RIMS2: variants seen among roughly 807,000 people sequenced by gnomAD.
RIMS2 encodes the protein regulating synaptic membrane exocytosis protein 2.
A neutral mutation model predicts 174.4 loss-of-function variants in RIMS2; 59 were observed. That is an observed-to-expected ratio of 0.34 (90% CI 0.27 to 0.42). The LOEUF (loss-of-function observed/expected upper bound fraction) is 0.42. Among genes scored for constraint, RIMS2 ranks in the 10% least tolerant of loss-of-function variants. The pLI, the probability that RIMS2 is intolerant of heterozygous loss-of-function variation, is 1.00. For missense variants in RIMS2, 1,620 were observed against 1,666.3 expected (o/e 0.97, Z 0.48); for synonymous variants, 606 against 572.5 (o/e 1.06, Z -0.84).
chr8:103,787,453 T>G (rs879520588), intron 3 of RIMS2, among the ~76,000 whole-genome samples: 304 of 150,684 alleles, frequency 2.0e-3, no homozygotes, highest in Non-Finnish European at 3.7e-3. Flanking sequence ...AGGAGCTCTT[T>G]TAGGGCAGGC....
chr8:103,591,056 T>C (rs2094230188), intron 1 of RIMS2, among the ~76,000 whole-genome samples: 1 of 150,788 alleles, frequency 6.6e-6, no homozygotes, highest in South Asian at 2.1e-4. Flanking sequence ...CCAAAAAAGG[T>C]ATAAGAGTTC....
intron 19 of RIMS2, among the ~76,000 whole-genome samples, chr8:104,233,080 G>C (rs2099239764): frequency 6.6e-6 from 1 of 152,076 alleles, no homozygotes; most frequent in Non-Finnish European, 1.5e-5. Flanking sequence ...AAGCAGACAA[G>C]AACGGGGGGA....
intron 15 of RIMS2, among the ~76,000 whole-genome samples, chr8:103,962,789 T>C (rs866384110): frequency 1.3e-5 from 2 of 152,122 alleles, no homozygotes; most frequent in Non-Finnish European, 2.9e-5. Flanking sequence ...CTAGTGTGTG[T>C]ACTAACTAGG....
intron 2 of RIMS2, among the ~76,000 whole-genome samples, chr8:103,725,086 A>C (rs1199954116): frequency 6.6e-6 from 1 of 152,198 alleles, no homozygotes; most frequent in African/African-American, 2.4e-5. Flanking sequence ...ATACAAATTT[A>C]GTGTTAAAAT....
Position 104,148,863 on chromosome 8 carries a change from G to A in RIMS2, c.3335-96053G>A, listed in dbSNP as rs1261098140. 2 of 1,593,282 alleles carry A rather than the reference G, an allele frequency of 1.3e-6. No homozygotes were observed. Among genetic ancestry groups the A allele is most frequent in the South Asian group, 2.2e-5 (2 of 90,756 alleles). Reference sequence around the variant, plus strand: ...CAGCCAAACGGGTAGGAATTTCAATGTTACTTTTAACTTGATATTTGAGTT... The same window carrying A: ...CAGCCAAACGGGTAGGAATTTCAATATTACTTTTAACTTGATATTTGAGTT... On this transcript the variant is annotated intron_variant, in intron 19 of 23. Transcript: ENST00000504942.
intron 1 of RIMS2, among the ~76,000 whole-genome samples, chr8:103,536,739 A>G (rs1839939004): frequency 6.6e-6 from 1 of 152,144 alleles, no homozygotes; most frequent in Non-Finnish European, 1.5e-5. Flanking sequence ...GTGCTAAACT[A>G]TTCATGAGAG....
rs1327131025 is a variant in RIMS2, at chr8:104,058,125, A to C, written c.3334+43510A>C. Reference sequence around the variant, plus strand: ...GGTCAAATGGTATTTCTAGTTCTAGATCCCTGAGGAATCGCCACACTGACT... The same window carrying C: ...GGTCAAATGGTATTTCTAGTTCTAGCTCCCTGAGGAATCGCCACACTGACT... On this transcript the variant is annotated intron_variant, in intron 19 of 23. Coordinates refer to ENST00000504942, the Ensembl canonical transcript of RIMS2. 5.1e-3 allele frequency among the ~76,000 whole-genome samples: 754 copies of C among 148,776 alleles called. 3 individuals carry two copies. Among genetic ancestry groups the C allele is most frequent in the Non-Finnish European group, 7.7e-3 (513 of 66,668 alleles).
chr8:103,864,967 T>C (rs893750206), intron 3 of RIMS2, among the ~76,000 whole-genome samples: 1 of 152,160 alleles, frequency 6.6e-6, no homozygotes, highest in Admixed American at 6.5e-5. Context: ...TTGAGCTTTA[T>C]ATTCAGAATG....
chr8:103,616,590 G>T (rs977540684), intron 1 of RIMS2, among the ~76,000 whole-genome samples: 1 of 152,112 alleles, frequency 6.6e-6, no homozygotes, highest in Non-Finnish European at 1.5e-5. Flanking sequence ...ATCTCTATTT[G>T]CAGACAACAT....
intron 3 of RIMS2, among the ~76,000 whole-genome samples, chr8:103,883,189 T>C (rs986810344): frequency 2.6e-5 from 4 of 151,778 alleles, no homozygotes; most frequent in African/African-American, 9.7e-5. Flanking sequence ...TATATGTTTG[T>C]TAAAGTAATA....
chr8:104,160,672 C>T (rs1340976283), intron 19 of RIMS2, among the ~76,000 whole-genome samples: 1 of 152,072 alleles, frequency 6.6e-6, no homozygotes, highest in Non-Finnish European at 1.5e-5. Context: ...TTAATCATTT[C>T]CCTAAGTCAG....
At chr8:103,937,892 T>C (rs2081626708) in intron 13 of RIMS2, among the ~76,000 whole-genome samples, 2 of 152,196 alleles carry the variant, frequency 1.3e-5, no homozygotes, top group Admixed American at 6.5e-5. Flanking sequence ...CTATGGAGTC[T>C]TGCTTTGTCA....
chr8:103,977,111 T>C (rs1016622716), intron 16 of RIMS2: 2 of 152,214 alleles, frequency 1.3e-5, no homozygotes, highest in African/African-American at 2.4e-5. Flanking sequence ...AATTGAGTCT[T>C]AATTTTACAC....
intron 7 of RIMS2, 35 bp downstream of exon 10, chr8:103,915,629 C>T (rs775707506): frequency 6.3e-6 from 7 of 1,105,912 alleles, no homozygotes; most frequent in South Asian, 1.5e-5. Context: ...ACATTTAAAC[C>T]ATTCAACTTT....
At chr8:104,040,637 A>C (rs2096592742) in intron 19 of RIMS2, among the ~76,000 whole-genome samples, 1 of 151,750 alleles carries the variant, frequency 6.6e-6, no homozygotes, top group South Asian at 2.1e-4. Flanking sequence ...GATCAAAGAA[A>C]ATTTGTCTAC....
intron 3 of RIMS2, among the ~76,000 whole-genome samples, chr8:103,813,451 G>A (rs974081662): frequency 7.5e-6 from 1 of 132,478 alleles, no homozygotes; most frequent in Non-Finnish European, 1.6e-5. Context: ...TGTGCACAAC[G>A]TGCAGGTTTG....
chr8:103,880,625 A>T, intron 3 of RIMS2: 1 of 502,246 alleles, frequency 2.0e-6, no homozygotes, highest in South Asian at 3.6e-5. Context: ...TGCCTGGCAC[A>T]CTGTTGATGT....
chr8:103,972,089 T>A (rs1158457145), intron 15 of RIMS2, among the ~76,000 whole-genome samples: 4 of 152,174 alleles, frequency 2.6e-5, no homozygotes, highest in Non-Finnish European at 5.9e-5. Context: ...ATCTATATGC[T>A]AAAACTCCCA....
intron 1 of RIMS2, among the ~76,000 whole-genome samples, chr8:103,533,145 T>C (rs1047093104): frequency 2.6e-5 from 4 of 152,222 alleles, no homozygotes; most frequent in Non-Finnish European, 5.9e-5. Context: ...TTCTAAGTGG[T>C]TCTCTTGTTA....
Sources: allele counts gnomAD v4.1 joint callset (sites outside exome capture counted in the v4.1 genomes callset), GRCh38; gene constraint gnomAD v4.1.1; transcripts MANE v1.5; gene names NCBI Gene and HGNC (gene_info 2026-07-23, HGNC 2026-07-21).